Variants in PTPRO observed in about 807,000 individuals in gnomAD.
PTPRO encodes receptor-type tyrosine-protein phosphatase O.
Under a neutral mutation model 145.2 loss-of-function variants are expected in PTPRO, and 62 were observed. The observed-to-expected ratio is 0.43, with a 90% CI of 0.35 to 0.53. PTPRO has a LOEUF of 0.53. Among genes scored for constraint, PTPRO ranks in the 20% least tolerant of loss-of-function variants. PTPRO has a pLI of 0.01. For synonymous variants in PTPRO, 565 were observed against 514.7 expected, an observed-to-expected ratio of 1.10 and a Z score of -1.32; for missense variants, 1,345 against 1,482.7, an observed-to-expected ratio of 0.91 and a Z score of 1.53.
intron 1 of PTPRO, among the ~76,000 whole-genome samples, chr12:15,434,389 A>G (rs1173489856): frequency 1.3e-5 from 2 of 152,198 alleles, no homozygotes; most frequent in Non-Finnish European, 2.9e-5. Flanking sequence ...CATGTTTCTC[A>G]TATAAGTAAA....
intron 1 of PTPRO, among the ~76,000 whole-genome samples, chr12:15,381,613 C>G (rs1027890328): frequency 1.9e-4 from 29 of 152,098 alleles, no homozygotes; most frequent in African/African-American, 6.5e-4. Context: ...CACCCTGCAG[C>G]AGCTTTATGG....
intron 25 of PTPRO, 58 bp from the exon 26 acceptor site, chr12:15,594,879 A>G: frequency 8.2e-7 from 1 of 1,223,476 alleles, no homozygotes; most frequent in Non-Finnish European, 1.2e-6. Flanking sequence ...GTCATAGTAT[A>G]AAATATTATA....
At chr12:15,505,674 T>G (rs1942307059) in intron 6 of PTPRO, among the ~76,000 whole-genome samples, 1 of 152,170 alleles carries the variant, frequency 6.6e-6, no homozygotes, top group Admixed American at 6.5e-5. Flanking sequence ...ACCGCAGACA[T>G]AAATACTTAC....
intron 1 of PTPRO, among the ~76,000 whole-genome samples, chr12:15,454,825 G>A (rs1341569141): frequency 6.6e-6 from 1 of 152,108 alleles, no homozygotes; most frequent in East Asian, 1.9e-4. Flanking sequence ...AACACCATTG[G>A]TTGAAGAGAC....
chr12:15,347,307 C>T (rs1313096750), intron 1 of PTPRO, among the ~76,000 whole-genome samples: 1 of 152,168 alleles, frequency 6.6e-6, no homozygotes, highest in Non-Finnish European at 1.5e-5. Context: ...TCTTTTCCTT[C>T]TTAATACATC....
chr12:15,544,332 GTC>G (rs1237840149), intron 12 of PTPRO, among the ~76,000 whole-genome samples: 2 of 151,692 alleles, frequency 1.3e-5, no homozygotes, highest in African/African-American at 4.8e-5. Flanking sequence ...GTGAAACCCT[GTC>G]TCTACTAAAA....
intron 1 of PTPRO, among the ~76,000 whole-genome samples, chr12:15,325,091 C>G (rs374782316): frequency 1.1e-4 from 16 of 152,152 alleles, no homozygotes; most frequent in African/African-American, 3.1e-4. Flanking sequence ...ATGAAACATT[C>G]TCTCAACTCT....
At chr12:15,543,095 A>T (rs2135542958) in intron 12 of PTPRO, among the ~76,000 whole-genome samples, 1 of 152,310 alleles carries the variant, frequency 6.6e-6, no homozygotes, top group African/African-American at 2.4e-5. Flanking sequence ...TTTCTGCCTG[A>T]TTAATTTAGG....
Position 15,549,101 on chromosome 12 carries a change from T to C in PTPRO, c.2312T>C (p.Val771Ala). Reference protein sequence around the residue: ...SSQKTKLQEPVAVSSHVVTIS... With the variant: ...SSQKTKLQEPAAVSSHVVTIS... ...TATTTTCTGAAACCCCAGGAACCAG[T>C]TGCTGTTTCTTCCCATGTCGTGACC... Residue 771 changes from valine to alanine, a missense_variant, in exon 14 of 27, where the codon GTT (valine) becomes GCT (alanine). By Grantham distance (64) the Val-to-Ala change is moderately conservative. Around this residue, in one of 3 missense-constraint regions of PTPRO, gnomAD observed 1,130 missense variants for 1,214.7 expected, o/e 0.93. Transcript: ENST00000281171. The C allele has an allele frequency of 1.9e-6, 3 of 1,613,520 alleles. No homozygotes were observed. Among genetic ancestry groups the C allele is most frequent in the Non-Finnish European group, 2.5e-6 (3 of 1,179,604 alleles).
chr12:15,473,903 A>T (rs1414510626), intron 1 of PTPRO, among the ~76,000 whole-genome samples: 1 of 152,116 alleles, frequency 6.6e-6, no homozygotes, highest in Non-Finnish European at 1.5e-5. Flanking sequence ...GCTCACAAAA[A>T]TTCCATGAGT....
At chr12:15,507,586 C>G (rs1942349582) in intron 6 of PTPRO, among the ~76,000 whole-genome samples, 1 of 152,180 alleles carries the variant, frequency 6.6e-6, no homozygotes, top group Non-Finnish European at 1.5e-5. Flanking sequence ...TAGACATCTT[C>G]CCAAGAGAAC....
rs1942485575 is a variant in PTPRO, at chr12:15,513,133, AAGG to A, written c.1465-2363_1465-2361del. ...AAAGGAAGGAAGGAAGGAAGGAAGG[AAGG>A]AAGGAAGAAAGAAAGAAAGAAAAAG... On this transcript the variant is annotated intron_variant, in intron 7 of 26. Transcript: ENST00000281171. Among the ~76,000 whole-genome samples the A allele has an allele frequency of 1.3e-4, 6 of 44,694 alleles. 1 individual carries two copies. Among genetic ancestry groups the A allele is most frequent in the African/African-American group, 4.9e-4 (6 of 12,334 alleles). 29.3% of individuals were successfully genotyped at this position (44,694 alleles called of 152,430 possible).
chr12:15,372,074 G>C (rs1938547589), intron 1 of PTPRO, among the ~76,000 whole-genome samples: 2 of 152,118 alleles, frequency 1.3e-5, no homozygotes, highest in Admixed American at 1.3e-4. Flanking sequence ...AATTGTCTTT[G>C]AAGGCAATTT....
chr12:15,428,808 C>G (rs1360010488), intron 1 of PTPRO, among the ~76,000 whole-genome samples: 2 of 152,048 alleles, frequency 1.3e-5, no homozygotes, highest in Non-Finnish European at 2.9e-5. Context: ...AGGGTCATCC[C>G]GTGGTCTAAG....
At chr12:15,426,932 G>A (rs907915209) in intron 1 of PTPRO, among the ~76,000 whole-genome samples, 6 of 151,910 alleles carry the variant, frequency 3.9e-5, no homozygotes, top group African/African-American at 1.4e-4. Context: ...TTTTGTTACT[G>A]TTTGGCAGTC....
intron 1 of PTPRO, among the ~76,000 whole-genome samples, chr12:15,423,421 AT>A (rs1940200312): frequency 6.6e-6 from 1 of 152,184 alleles, no homozygotes; most frequent in South Asian, 2.1e-4. Context: ...TATTTTCCAT[AT>A]TTAATTATAG....
intron 10 of PTPRO, among the ~76,000 whole-genome samples, chr12:15,523,751 C>G (rs1211334407): frequency 6.6e-6 from 1 of 151,312 alleles, no homozygotes; most frequent in Non-Finnish European, 1.5e-5. Flanking sequence ...CTCCAGCTTG[C>G]GTGACAGATT....
chr12:15,376,172 T>C (rs919902850), intron 1 of PTPRO, among the ~76,000 whole-genome samples: 3 of 151,868 alleles, frequency 2.0e-5, no homozygotes, highest in African/African-American at 7.3e-5. Context: ...AGTCAGACTG[T>C]CAAAAGACAA....
rs1352111621 is a variant in PTPRO at position 15,527,879 on chromosome 12, G to GCCCACCACCCCCCCA, written c.2164+1622_2164+1623insCACCCCCCCACCCAC. On this transcript the variant is annotated intron_variant, in intron 12 of 26. Coordinates refer to ENST00000281171, the MANE Select transcript of PTPRO (RefSeq NM_030667.3). ...AACATCAAACAGGGAACTGTGACCCGCCCACGCTACCCAGGAAAAGGACAA... is the reference window on the plus strand; with the variant it reads ...AACATCAAACAGGGAACTGTGACCCGCCCACCACCCCCCCACCCACGCTACCCAGGAAAAGGACAA... Among the ~76,000 whole-genome samples, 52 of 117,448 alleles carry GCCCACCACCCCCCCA rather than the reference G, an allele frequency of 4.4e-4. 2 individuals are homozygous for GCCCACCACCCCCCCA. The highest frequency in any genetic ancestry group is 1.6e-3 in the African/African-American group (46 of 28,986). 77.1% of individuals were successfully genotyped at this position (117,448 alleles called of 152,430 possible).
Sources: gnomAD v4.1 joint callset for allele counts (sites outside exome capture counted in the v4.1 genomes callset) on GRCh38, gnomAD v4.1.1 for gene constraint, gnomAD v4.1.1 regional missense constraint, MANE v1.5 for transcripts, NCBI Gene and HGNC (gene_info 2026-07-23, HGNC 2026-07-21) for gene names.